The following CDKL1 variants were observed in gnomAD, a reference collection of about 807,000 sequenced individuals.
CDKL1 encodes cyclin-dependent kinase-like 1.
In CDKL1, 41 loss-of-function variants were observed where a neutral mutation model predicts 42.0. The ratio of observed to expected loss-of-function variants is 0.98; its 90% confidence interval spans 0.76 to 1.27. CDKL1 has a LOEUF of 1.27. Among genes scored for constraint, CDKL1 ranks in the 50% most tolerant of loss-of-function variants. The pLI, the probability that CDKL1 is intolerant of heterozygous loss-of-function variation, is 0.00. For synonymous variants in CDKL1, 153 were observed against 158.6 expected (o/e 0.96, Z 0.26); for missense variants, 394 against 428.4 (o/e 0.92, Z 0.71).
At chr14:50,368,277 G>C (rs1369890088) in intron 2 of CDKL1, among the ~76,000 whole-genome samples, 1 of 150,636 alleles carries the variant, frequency 6.6e-6, no homozygotes, top group Non-Finnish European at 1.5e-5. Context: ...TATTTTTTGA[G>C]ACAGGGTCTT....
intron 7 of CDKL1, among the ~76,000 whole-genome samples, chr14:50,336,809 T>C (rs1350399955): frequency 2.0e-5 from 3 of 151,878 alleles, no homozygotes; most frequent in African/African-American, 4.8e-5. Flanking sequence ...CCAAAAGAGA[T>C]ATCCACTCTT....
intron 2 of CDKL1, among the ~76,000 whole-genome samples, chr14:50,390,688 T>G (rs751766878): frequency 6.6e-6 from 1 of 152,252 alleles, no homozygotes; most frequent in Non-Finnish European, 1.5e-5. Flanking sequence ...TTGAACCACA[T>G]AGCCCTTTCC....
At chr14:50,347,243 C>T (rs140697535) in intron 3 of CDKL1, among the ~76,000 whole-genome samples, 1 of 152,204 alleles carries the variant, frequency 6.6e-6, no homozygotes, top group African/African-American at 2.4e-5. Context: ...TTAGCTGAAA[C>T]ACTCATAATA....
At chr14:50,341,323 A>G in intron 5 of CDKL1, 91 bp from the exon 6 acceptor site, 3 of 1,462,964 alleles carry the variant, frequency 2.1e-6, no homozygotes, top group Non-Finnish European at 2.7e-6. Flanking sequence ...CCTGTGCCCA[A>G]TTTTGTGGCC....
At chr14:50,335,707 G>A in intron 7 of CDKL1, 1 of 1,458,614 alleles carries the variant, frequency 6.9e-7, no homozygotes, top group East Asian at 2.5e-5. Flanking sequence ...TGCATTGTGT[G>A]TATAAAAGTG....
intron 8 of CDKL1, chr14:50,334,143 A>ATACTT (rs2033123996): frequency 6.5e-6 from 1 of 153,066 alleles, no homozygotes; most frequent in African/African-American, 2.4e-5. Flanking sequence ...AATTGAAAAT[A>ATACTT]TACTTTTCCA....
chr14:50,387,089 C>T (rs1211223071), intron 2 of CDKL1, among the ~76,000 whole-genome samples: 1 of 151,722 alleles, frequency 6.6e-6, no homozygotes, highest in African/African-American at 2.4e-5. Context: ...TGCCTGTAGT[C>T]CCAGCTATTC....
Position 50,391,274 on chromosome 14 carries a change from G to A in CDKL1, c.168+4427C>T, listed in dbSNP as rs376180683. ...GAGTTACGGAAAGGAGTTGAATTCA[G>A]GTAGGGTCCATGTGTCATATGCAAA... is the stretch of plus-strand genomic sequence containing the variant. On this transcript the variant is annotated intron_variant, in intron 2 of 9. Transcript: ENST00000395834. 3.9e-5 allele frequency among the ~76,000 whole-genome samples: 6 copies of A among 152,172 alleles called. No homozygotes were observed. In the East Asian group the frequency reaches 9.6e-4, roughly 24 times the overall value.
At chr14:50,397,179 T>G (rs906893135), upstream of CDKL1, 1 of 1,366,624 alleles carries the variant, frequency 7.3e-7, no homozygotes, top group East Asian at 4.5e-5. Flanking sequence ...GAGCCCCTCC[T>G]GAGCGGTCCA....
rs190157058 is a variant in CDKL1 at position 50,326,322 on chromosome 14, T to C, written c.*3752A>G. 3.2e-6 allele frequency: 2 copies of C among 626,886 alleles called. No individual in the cohort carries two copies. The highest frequency in any genetic ancestry group is 1.3e-4 in the Admixed American group (2 of 15,816). 38.8% of individuals were successfully genotyped at this position (626,886 alleles called of 1,614,324 possible). A position where few individuals can be genotyped will look rare whatever the true frequency, so the allele number is the denominator to read the frequency against. ...ATCTATAGATATCTCTTGATGTAGA[T>C]ATTTAGAATCCTTTAAAGTTATTTG... On this transcript the variant is annotated 3_prime_UTR_variant, in exon 10 of 10. Coordinates refer to ENST00000395834, the MANE Select transcript of CDKL1 (RefSeq NM_004196.7).
At chr14:50,379,023 TG>T (rs1187934154) in intron 2 of CDKL1, among the ~76,000 whole-genome samples, 1 of 152,086 alleles carries the variant, frequency 6.6e-6, no homozygotes, top group African/African-American at 2.4e-5. Context: ...AGCTAATTTT[TG>T]TATTTTTGGT....
chr14:50,337,866 A>G (rs2033364850), intron 7 of CDKL1, among the ~76,000 whole-genome samples: 1 of 150,966 alleles, frequency 6.6e-6, no homozygotes. Flanking sequence ...ATTTTAGTAG[A>G]GACAGAGTTT....
intron 2 of CDKL1, chr14:50,362,229 C>T (rs1310193329): frequency 2.8e-6 from 1 of 362,786 alleles, no homozygotes; most frequent in Non-Finnish European, 5.6e-6. Context: ...AGAACCGCCC[C>T]CTGCTCCGCA....
intron 2 of CDKL1, among the ~76,000 whole-genome samples, chr14:50,363,681 A>T (rs1763116729): frequency 6.6e-6 from 1 of 152,210 alleles, no homozygotes; most frequent in Admixed American, 6.5e-5. Context: ...CTCTTCTAAC[A>T]AAAGTAGAAA....
At chr14:50,382,463 T>A (rs2034941489) in intron 2 of CDKL1, among the ~76,000 whole-genome samples, 1 of 152,048 alleles carries the variant, frequency 6.6e-6, no homozygotes, top group African/African-American at 2.4e-5. Context: ...AAAAAAATTT[T>A]TTTTTTTCAA....
chr14:50,329,900 A>G lies in CDKL1; in HGVS notation c.*174T>C. On this transcript the variant is annotated 3_prime_UTR_variant, in exon 10 of 10. Coordinates refer to ENST00000395834, the MANE Select transcript of CDKL1 (RefSeq NM_004196.7). ...TTCTGGACACCATCATCAAGCATGG[A>G]AGACTGGATCTGGAATTTCCCTTCA... 1 of 720,478 alleles carries G rather than the reference A, an allele frequency of 1.4e-6. No homozygotes were observed. Among genetic ancestry groups the G allele is most frequent in the Non-Finnish European group, 2.1e-6 (1 of 465,492 alleles). 44.6% of individuals were successfully genotyped at this position (720,478 alleles called of 1,614,324 possible).
rs560553288 is a variant in CDKL1 at position 50,346,048 on chromosome 14, G to A, written c.291-990C>T. 2.0e-5 allele frequency among the ~76,000 whole-genome samples: 3 copies of A among 152,252 alleles called. No homozygotes were observed. In the East Asian group the frequency reaches 5.8e-4, roughly 29 times the overall value. ...TTACTGTTTTGATAAACATTCCACA[G>A]TGTTGCTGTGGTCCTCAGCCAAAAC... On this transcript the variant is annotated intron_variant, in intron 3 of 9. Coordinates refer to ENST00000395834, the MANE Select transcript of CDKL1 (RefSeq NM_004196.7).
At chr14:50,357,928 T>G in intron 3 of CDKL1, 1 of 539,070 alleles carries the variant, frequency 1.9e-6, no homozygotes, top group Non-Finnish European at 3.3e-6. Flanking sequence ...GAATTAGGGC[T>G]GGGAGAGAGT....
At chr14:50,371,647 C>A (rs2034593195) in intron 2 of CDKL1, among the ~76,000 whole-genome samples, 2 of 152,342 alleles carry the variant, frequency 1.3e-5, no homozygotes, top group Middle Eastern at 6.8e-3. Flanking sequence ...GGGGGAGGCG[C>A]AGCCATGGCT....
Sources: gnomAD v4.1 joint callset for allele counts (sites outside exome capture counted in the v4.1 genomes callset) on GRCh38, gnomAD v4.1.1 for gene constraint, MANE v1.5 for transcripts, NCBI Gene and HGNC (gene_info 2026-07-23, HGNC 2026-07-21) for gene names.